The following PRKN variants were observed in gnomAD, a reference collection of about 807,000 sequenced individuals.
The protein encoded by PRKN is parkin RBR E3 ubiquitin protein ligase.
PRKN carries 56 observed loss-of-function variants against 59.5 expected under a neutral mutation model. The observed-to-expected ratio is 0.94, with a 90% CI of 0.76 to 1.18. The LOEUF (loss-of-function observed/expected upper bound fraction) is 1.18, where lower values mean the gene tolerates loss of function less well. PRKN is among the 50% of genes most tolerant of loss of function. PRKN has a pLI of 0.00. For missense variants in PRKN, 657 were observed against 596.4 expected (o/e 1.10, Z -1.06); for synonymous variants, 250 against 222.1 (o/e 1.13, Z -1.12).
chr6:161,874,242 TATATA>T (rs1410131341), intron 6 of PRKN, among the ~76,000 whole-genome samples: 3,676 of 22,246 alleles, frequency 0.17, 906 homozygotes, highest in Non-Finnish European at 0.21. Flanking sequence ...TAATATATAA[TATATA>T]ATATATATTA....
intron 6 of PRKN, among the ~76,000 whole-genome samples, chr6:161,859,357 C>A (rs1047053124): frequency 4.3e-4 from 66 of 152,024 alleles, no homozygotes; most frequent in Admixed American, 7.2e-4. Context: ...GTAATCCCAG[C>A]ACTTTGGGAG....
intron 4 of PRKN, among the ~76,000 whole-genome samples, chr6:162,139,030 TG>T (rs1178218613): frequency 1.3e-5 from 2 of 152,212 alleles, no homozygotes; most frequent in Non-Finnish European, 2.9e-5. Context: ...CTAAGAATGA[TG>T]GAAGACATGA....
At chr6:161,486,677 G>C (rs1004855402) in intron 9 of PRKN, among the ~76,000 whole-genome samples, 1 of 152,154 alleles carries the variant, frequency 6.6e-6, no homozygotes, top group Non-Finnish European at 1.5e-5. Context: ...GATGCTATTA[G>C]CAATTTACTA....
At position 161,348,559 on chromosome 6, in the gene PRKN, T is replaced by C. The variant is rs1459589339; in HGVS notation, c.*1540A>G. 4 of 207,394 alleles carry C rather than the reference T, an allele frequency of 1.9e-5. No homozygotes were observed. Among genetic ancestry groups the C allele is most frequent in the Non-Finnish European group, 2.9e-5 (3 of 101,712 alleles). 12.8% of individuals were successfully genotyped at this position (207,394 alleles called of 1,614,324 possible). A position where few individuals can be genotyped will look rare whatever the true frequency, so the allele number is the denominator to read the frequency against. On this transcript the variant is annotated 3_prime_UTR_variant, in exon 12 of 12. Coordinates refer to ENST00000366898, the MANE Select transcript of PRKN (RefSeq NM_004562.3). This position sits in a 1 kb window ranked among gnomAD's most constrained non-coding sequence, Gnocchi z 4.9. ...GATGGTTGGAAGAAATGGGTTATCTTAGGCAGTTAGGAAAAGAGGGACAGG... is the reference window on the plus strand; with the variant it reads ...GATGGTTGGAAGAAATGGGTTATCTCAGGCAGTTAGGAAAAGAGGGACAGG...
intron 5 of PRKN, among the ~76,000 whole-genome samples, chr6:162,017,607 C>T (rs1384198959): frequency 6.6e-6 from 1 of 152,076 alleles, no homozygotes; most frequent in East Asian, 1.9e-4. Flanking sequence ...ACATTTCATG[C>T]GATCATTCTT....
intron 2 of PRKN, among the ~76,000 whole-genome samples, chr6:162,363,440 T>A (rs1425496111): frequency 6.6e-6 from 1 of 152,208 alleles, no homozygotes; most frequent in African/African-American, 2.4e-5. Context: ...TATACCTCCA[T>A]TTAGTAGCTA....
chr6:162,222,260 G>T (rs1777969510), intron 3 of PRKN, among the ~76,000 whole-genome samples: 1 of 152,050 alleles, frequency 6.6e-6, no homozygotes. Context: ...AAAGATAAAG[G>T]ATTTTTGTAG....
chr6:162,724,137 G>T (rs116670729), intron 1 of PRKN, among the ~76,000 whole-genome samples: 1,649 of 152,122 alleles, frequency 0.011, 21 homozygotes, highest in African/African-American at 0.038. Flanking sequence ...TAAACACAAA[G>T]AATTGCTCAT....
At chr6:162,094,340 CG>C (rs763794427) in intron 4 of PRKN, among the ~76,000 whole-genome samples, 11 of 151,848 alleles carry the variant, frequency 7.2e-5, no homozygotes, top group Admixed American at 1.3e-4. Context: ...AAAAGTGAGC[CG>C]GGTGTGGTGG....
chr6:162,638,544 G>T (rs916596639), intron 1 of PRKN, among the ~76,000 whole-genome samples: 7 of 152,042 alleles, frequency 4.6e-5, no homozygotes, highest in African/African-American at 1.7e-4. Flanking sequence ...TAAAGCAATG[G>T]TCTTCATGTT....
At chr6:162,194,438 C>A (rs775815755) in intron 4 of PRKN, among the ~76,000 whole-genome samples, 8 of 152,130 alleles carry the variant, frequency 5.3e-5, no homozygotes, top group Non-Finnish European at 1.2e-4. Context: ...AGAACATTTA[C>A]GGGTTTGAAA....
At chr6:162,335,338 G>A (rs1203637078) in intron 2 of PRKN, among the ~76,000 whole-genome samples, 1 of 152,126 alleles carries the variant, frequency 6.6e-6, no homozygotes, top group Non-Finnish European at 1.5e-5. Flanking sequence ...CACTGCACCT[G>A]ACCTGTAGGT....
chr6:162,065,732 C>G (rs1778311400), intron 4 of PRKN, among the ~76,000 whole-genome samples: 1 of 152,114 alleles, frequency 6.6e-6, no homozygotes, highest in African/African-American at 2.4e-5. Context: ...CCCTCCACCC[C>G]ATGGCAGGCC....
In PRKN at chr6:161,475,130, C is replaced by T. The variant is rs974478849; in HGVS notation, c.1083+73724G>A. 6.6e-6 allele frequency among the ~76,000 whole-genome samples: 1 copy of T among 152,168 alleles called. No homozygotes were observed. Among genetic ancestry groups the T allele is most frequent in the Admixed American group, 6.5e-5 (1 of 15,276 alleles). On this transcript the variant is annotated intron_variant, in intron 9 of 11. Coordinates refer to ENST00000366898, the MANE Select transcript of PRKN (RefSeq NM_004562.3). The surrounding 1 kb of genome is among the most constrained non-coding windows in gnomAD (Gnocchi z 5.3). Reference sequence around the variant, plus strand: ...CAGGATGGTCTCGATCTCTTGACCTCATGATCTGCCTGCCTCTCAAAGCGC... The same window carrying T: ...CAGGATGGTCTCGATCTCTTGACCTTATGATCTGCCTGCCTCTCAAAGCGC...
At chr6:161,596,125 C>T (rs914058565) in intron 7 of PRKN, among the ~76,000 whole-genome samples, 5 of 152,136 alleles carry the variant, frequency 3.3e-5, no homozygotes, top group African/African-American at 9.7e-5. Context: ...CTTGCTATAC[C>T]TATCAGGGTT....
At chr6:161,756,465 A>C (rs1057439112) in intron 7 of PRKN, among the ~76,000 whole-genome samples, 168 of 151,064 alleles carry the variant, frequency 1.1e-3, no homozygotes, top group African/African-American at 3.8e-3. Context: ...AAAAAAAAAA[A>C]AAAAACACTT....
chr6:162,036,401 T>G (rs1486289111), intron 5 of PRKN, among the ~76,000 whole-genome samples: 1 of 151,936 alleles, frequency 6.6e-6, no homozygotes, highest in Non-Finnish European at 1.5e-5. Flanking sequence ...TGTTTTGAGA[T>G]AGAGTTTCAC....
chr6:161,857,514 A>T (rs1255181748), intron 6 of PRKN, among the ~76,000 whole-genome samples: 2 of 152,172 alleles, frequency 1.3e-5, no homozygotes, highest in Non-Finnish European at 2.9e-5. Flanking sequence ...ATTTCAAATC[A>T]ATACTATATT....
intron 6 of PRKN, among the ~76,000 whole-genome samples, chr6:161,922,321 C>T (rs888718288): frequency 2.0e-5 from 3 of 152,212 alleles, no homozygotes; most frequent in African/African-American, 7.2e-5. Context: ...TCAGTGTGTC[C>T]CCACTTTCAG....
Sources: allele counts gnomAD v4.1 joint callset (sites outside exome capture counted in the v4.1 genomes callset), GRCh38; gene constraint gnomAD v4.1.1; non-coding constraint Gnocchi (gnomAD v3.1); transcripts MANE v1.5; gene names NCBI Gene and HGNC (gene_info 2026-07-23, HGNC 2026-07-21).